Variants in RCOR2 observed in about 807,000 individuals in gnomAD.
The protein encoded by RCOR2 is REST corepressor 2.
In RCOR2, 19 loss-of-function variants were observed where a neutral mutation model predicts 58.9. The ratio of observed to expected loss-of-function variants is 0.32; its 90% CI spans 0.23 to 0.47. RCOR2 has a LOEUF of 0.47. RCOR2 is among the 20% of genes least tolerant of loss of function. RCOR2 has a pLI of 1.00. For synonymous variants in RCOR2, 286 were observed against 278.7 expected, an observed-to-expected ratio of 1.03 and a Z score of -0.26; for missense variants, 590 against 707.9, an observed-to-expected ratio of 0.83 and a Z score of 1.89.
intron 2 of RCOR2, 30 bp downstream of exon 2, chr11:63,915,524 AC>A: frequency 6.5e-7 from 1 of 1,547,208 alleles, no homozygotes; most frequent in Non-Finnish European, 8.7e-7. Context: ...CTCCACCCCC[AC>A]CCCACTTCAC....
At chr11:63,915,075 T>A in intron 3 of RCOR2, 103 bp downstream of exon 3, 6 of 1,533,422 alleles carry the variant, frequency 3.9e-6, no homozygotes, top group Non-Finnish European at 5.4e-6. Flanking sequence ...AGGGCAAGGG[T>A]TGGACCCACG....
intron 1 of RCOR2, among the ~76,000 whole-genome samples, chr11:63,916,073 G>A (rs1403549271): frequency 6.6e-6 from 1 of 152,240 alleles, no homozygotes; most frequent in African/African-American, 2.4e-5. Context: ...TCTATGCAAG[G>A]GAGGGATGCC....
chr11:63,911,826 G>A lies in RCOR2; in HGVS notation c.*39C>T. On this transcript the variant is annotated 3_prime_UTR_variant, in exon 12 of 12. Coordinates refer to ENST00000301459, the MANE Select transcript of RCOR2 (RefSeq NM_173587.4). ...GAGATGCCTGGGGATGGCCAGCAAA[G>A]GGGTCCTGGAGCCCGTGGTTGGTGG... 6.8e-7 allele frequency: 1 copy of A among 1,479,402 alleles called. No individual in the cohort carries two copies. The highest frequency in any genetic ancestry group is 1.5e-5 in the African/African-American group (1 of 68,244). 91.6% of individuals were successfully genotyped at this position (1,479,402 alleles called of 1,614,324 possible). A position where few individuals can be genotyped will look rare whatever the true frequency, so the allele number is the denominator to read the frequency against.
chr11:63,911,670 A>T lies in RCOR2; in HGVS notation c.*195T>A. ...AGCTCAAAGGCCCCTGAGCCCGGCC[A>T]TGGCCCCAGGAGACAGGCCCAGCTG... On this transcript the variant is annotated 3_prime_UTR_variant, in exon 12 of 12. Coordinates refer to ENST00000301459, the MANE Select transcript of RCOR2 (RefSeq NM_173587.4). The T allele has an allele frequency of 1.1e-6, 1 of 891,156 alleles. No homozygotes were observed. Among genetic ancestry groups the T allele is most frequent in the South Asian group, 2.6e-5 (1 of 39,060 alleles). 55.2% of individuals were successfully genotyped at this position (891,156 alleles called of 1,614,324 possible).
upstream of RCOR2, among the ~76,000 whole-genome samples, chr11:63,919,605 A>AAGGAG (rs1246333321): frequency 2.0e-5 from 3 of 152,138 alleles, no homozygotes; most frequent in Admixed American, 6.5e-5. Context: ...GAGGGGAGGG[A>AAGGAG]AGGAGAGGCA....
In RCOR2 at chr11:63,912,436, G is replaced by A; in HGVS notation, c.1126C>T (p.Arg376Cys). ...TGCAGCACCTCCTCCAGATTGAAGC[G>A]GCGCCGGTAGCTCACAAAGAAAGTC... ...VKTFFVSYRRRFNLEEVLQEW... is the reference protein window; with the variant it reads ...VKTFFVSYRRCFNLEEVLQEW... The change falls in exon 11 of 12, where the codon CGC becomes TGC. Residue 376 changes from arginine to cysteine, a missense_variant. Arg to Cys is a radical substitution (Grantham distance 180). Transcript: ENST00000301459. The A allele has an allele frequency of 1.9e-6, 3 of 1,613,966 alleles. No homozygotes were observed. Among genetic ancestry groups the A allele is most frequent in the Non-Finnish European group, 2.5e-6 (3 of 1,179,982 alleles).
rs779315016 is a variant in RCOR2, at chr11:63,915,265, G to C, written c.185-7C>G. The C allele has an allele frequency of 6.8e-5, 105 of 1,551,040 alleles. No individual in the cohort carries two copies. Among genetic ancestry groups the C allele is most frequent in the Non-Finnish European group, 8.9e-5 (102 of 1,146,830 alleles). On this transcript the variant is annotated splice_region_variant and splice_polypyrimidine_tract_variant and intron_variant, in intron 2 of 11. Transcript: ENST00000301459. Reference sequence around the variant, plus strand: ...CTGTAGCGTGCGGGGCTCTCTGAAAGGCCGAGGAGCAGGAGGGAAGACACT... The same window carrying C: ...CTGTAGCGTGCGGGGCTCTCTGAAACGCCGAGGAGCAGGAGGGAAGACACT...
chr11:63,912,545 C>T lies in RCOR2; in HGVS notation c.1028-11G>A, dbSNP rs1941784744. 6.2e-7 allele frequency: 1 copy of T among 1,608,562 alleles called. No homozygotes were observed. Among genetic ancestry groups the T allele is most frequent in the Non-Finnish European group, 8.5e-7 (1 of 1,175,040 alleles). ...CATACCTACGGATGGCTGCAAGGGT[C>T]AAAAGGGCAGCAGCGTCAATACCCC... On this transcript the variant is annotated splice_polypyrimidine_tract_variant and intron_variant, in intron 10 of 11. Transcript: ENST00000301459.
upstream of RCOR2, among the ~76,000 whole-genome samples, chr11:63,917,353 C>T (rs1156711593): frequency 6.6e-6 from 1 of 152,122 alleles, no homozygotes; most frequent in African/African-American, 2.4e-5. Context: ...GCTGCGGGGG[C>T]TCCCCTCGCG....
chr11:63,918,738 C>A (rs1041685525), upstream of RCOR2, among the ~76,000 whole-genome samples: 3 of 152,168 alleles, frequency 2.0e-5, no homozygotes, highest in Non-Finnish European at 4.4e-5. Flanking sequence ...ACCATTGCTG[C>A]ACACCAGCCT....
rs1429851752 is a variant in RCOR2 at position 63,911,950 on chromosome 11, G to A, written c.1487C>T (p.Ala496Val). The A allele has an allele frequency of 1.2e-5, 16 of 1,293,644 alleles. No homozygotes were observed. Among genetic ancestry groups the A allele is most frequent in the Admixed American group, 1.2e-4 (4 of 33,242 alleles). 80.1% of individuals were successfully genotyped at this position (1,293,644 alleles called of 1,614,324 possible). The change falls in exon 12 of 12, where the codon GCC becomes GTC. Residue 496 changes from alanine (A) to valine (V), a missense_variant. Ala to Val is a moderately conservative substitution (Grantham distance 64). Around this residue, in one of 3 missense-constraint regions of RCOR2, gnomAD observed 196 missense variants for 210.7 expected, o/e 0.93. Transcript: ENST00000301459. ...GCCAGGGCGGGCGCTGTGGCGGGGG[G>A]CAGCCAGAGCGGGGCGGATGAGAGG... The part of the protein sequence containing the change: ...PPPLIRPALA[A>V]PRHSARPGPQ...
upstream of RCOR2, among the ~76,000 whole-genome samples, chr11:63,921,003 G>C (rs532607956): frequency 1.3e-5 from 2 of 152,250 alleles, no homozygotes; most frequent in Non-Finnish European, 2.9e-5. Flanking sequence ...GCGGCAGAGG[G>C]AGGCAAGACA....
At position 63,917,095 on chromosome 11, in the gene RCOR2, C is replaced by T. The variant is rs1295309540; in HGVS notation, c.-639G>A. ...TCGCACCCTCCCCGGCGCGCTCGCT[C>T]TCCCCGCCGCGCTCGGGATGCCGCT... On this transcript the variant is annotated 5_prime_UTR_variant, in exon 1 of 12. Transcript: ENST00000301459. 6.6e-6 allele frequency among the ~76,000 whole-genome samples: 1 copy of T among 151,264 alleles called. No individual in the cohort carries two copies. Among genetic ancestry groups the T allele is most frequent in the Non-Finnish European group, 1.5e-5 (1 of 67,634 alleles).
In RCOR2 at chr11:63,912,996, G is replaced by T. The variant is rs758912876; in HGVS notation, c.892-49C>A. 4.6e-6 allele frequency: 7 copies of T among 1,515,438 alleles called. No individual in the cohort carries two copies. In the African/African-American group the frequency reaches 8.2e-5, roughly 18 times the overall value. The allele number at this position is 1,515,438 out of a possible 1,614,324, so 93.9% of individuals were successfully genotyped here. Reference sequence around the variant, plus strand: ...AATATCAGACTCCCATCTCAGGCAGGCCACTATGCCCCTCACAGGACCCTA... The same window carrying T: ...AATATCAGACTCCCATCTCAGGCAGTCCACTATGCCCCTCACAGGACCCTA... On this transcript the variant is annotated intron_variant, in intron 8 of 11. Transcript: ENST00000301459.
In RCOR2 at chr11:63,916,976, G is replaced by A. The variant is rs1565162359; in HGVS notation, c.-520C>T. 2 of 147,800 alleles carry A rather than the reference G, an allele frequency of 1.4e-5. No homozygotes were observed. The highest frequency in any genetic ancestry group is 3.0e-5 in the Non-Finnish European group (2 of 66,174). The allele number at this position is 147,800 out of a possible 1,614,324, so 9.2% of individuals were successfully genotyped here. ...GCAGCCGGCCGGGGCACCGGCGGCG[G>A]CGGCGGCGGCGACGGCGGCGGGACG... On this transcript the variant is annotated 5_prime_UTR_variant, in exon 1 of 12. Transcript: ENST00000301459.
intron 8 of RCOR2, 86 bp downstream of exon 8, chr11:63,913,868 C>T (rs1307582622): frequency 4.0e-6 from 5 of 1,261,182 alleles, no homozygotes; most frequent in Non-Finnish European, 4.6e-6. Flanking sequence ...TGAACCATCT[C>T]GCTTACACCT....
intron 10 of RCOR2, 65 bp from the exon 11 acceptor site, chr11:63,912,599 C>T (rs1590733257): frequency 3.8e-6 from 6 of 1,590,208 alleles, no homozygotes; most frequent in Non-Finnish European, 8.6e-7. Context: ...CTGACCCTTC[C>T]CCTCTGCCCC....
intron 4 of RCOR2, 26 bp downstream of exon 4, chr11:63,914,876 C>T (rs1204304625): frequency 1.9e-6 from 3 of 1,612,622 alleles, no homozygotes; most frequent in Admixed American, 1.7e-5. Context: ...CACCCCATTC[C>T]CAAGTCCCTG....
chr11:63,917,271 G>A (rs574258177), upstream of RCOR2, among the ~76,000 whole-genome samples: 443 of 152,164 alleles, frequency 2.9e-3, 2 homozygotes, highest in African/African-American at 0.01. Context: ...GGAGGGCCCG[G>A]GGGGCGGGGC....
Sources: gnomAD v4.1 joint callset for allele counts (sites outside exome capture counted in the v4.1 genomes callset) on GRCh38, gnomAD v4.1.1 for gene constraint, gnomAD v4.1.1 regional missense constraint, MANE v1.5 for transcripts, NCBI Gene and HGNC (gene_info 2026-07-23, HGNC 2026-07-21) for gene names.